The following AP4E1 variants were observed in gnomAD, a reference collection of about 807,000 sequenced individuals.
The protein encoded by AP4E1 is AP-4 complex subunit epsilon-1.
AP4E1 carries 56 observed loss-of-function variants against 128.2 expected under a neutral mutation model. The observed-to-expected ratio is 0.44, with a 90% CI of 0.35 to 0.55. AP4E1 has a LOEUF of 0.55. AP4E1 is among the 20% of genes least tolerant of loss of function. The pLI, the probability that AP4E1 is intolerant of heterozygous loss-of-function variation, is 0.00. For synonymous variants in AP4E1, 484 were observed against 473.1 expected (o/e 1.02, Z -0.30); for missense variants, 1,324 against 1,307.7 (o/e 1.01, Z -0.19).
chr15:50,993,229 T>A, intron 16 of AP4E1, 141 bp from the exon 17 acceptor site: 1 of 848,272 alleles, frequency 1.2e-6, no homozygotes, highest in East Asian at 2.7e-5. Context: ...GAGATCAAGG[T>A]TTTACTTCTG....
intron 10 of AP4E1, chr15:50,944,809 T>G: frequency 1.4e-6 from 1 of 697,886 alleles, no homozygotes; most frequent in Non-Finnish European, 2.6e-6. Context: ...GCTACCAAAA[T>G]GGAATGAGTA....
chr15:50,997,338 G>A lies in AP4E1; in HGVS notation c.2359G>A (p.Asp787Asn). ...TTTATTTTTGCAGCTGGGAAAAGCA[G>A]ATACTGTCTCTCACAAGTTCAGAAG... ...ESTINLLGKA[D>N]TVSHKFRRKS... is the part of the protein sequence containing the mutation. Residue 787 changes from aspartate to asparagine, a missense_variant, in exon 18 of 21, where the codon GAT becomes AAT. Physicochemically the swap from Asp to Asn is conservative, Grantham distance 23. Transcript: ENST00000261842. The A allele has an allele frequency of 6.3e-7, 1 of 1,597,498 alleles. No individual in the cohort carries two copies.
chr15:50,979,886 A>G (rs1384008725), intron 15 of AP4E1, among the ~76,000 whole-genome samples: 2 of 152,212 alleles, frequency 1.3e-5, no homozygotes, highest in Non-Finnish European at 2.9e-5. Context: ...ATGATAGAAA[A>G]TTGGTCCTGA....
rs1313159247 is a variant in AP4E1, at chr15:50,984,125, T to C, written c.2070T>C (p.Ser690=). 3.1e-6 allele frequency: 5 copies of C among 1,613,292 alleles called. No homozygotes were observed. Among genetic ancestry groups the C allele is most frequent in the East Asian group, 2.2e-5 (1 of 44,858 alleles). Residue 690 remains serine (S), a synonymous_variant, in exon 16 of 21, where the codon AGT becomes AGC. Coordinates refer to ENST00000261842, the MANE Select transcript of AP4E1 (RefSeq NM_007347.5). ...TTGGTTCAGATGTATCTGGGAATAGTGCTGAGACAGGACTGAAAGAGTAAG... is the reference window on the plus strand; with the variant it reads ...TTGGTTCAGATGTATCTGGGAATAGCGCTGAGACAGGACTGAAAGAGTAAG... ...ISLGSDVSGN[S]AETGLKETNS...
chr15:50,938,091 A>G (rs1277673617), intron 8 of AP4E1, among the ~76,000 whole-genome samples: 1 of 152,066 alleles, frequency 6.6e-6, no homozygotes, highest in Non-Finnish European at 1.5e-5. Flanking sequence ...TGTATAAGAA[A>G]CATAAGACTC....
At chr15:50,998,803 A>G (rs2064917249) in intron 18 of AP4E1, among the ~76,000 whole-genome samples, 1 of 152,316 alleles carries the variant, frequency 6.6e-6, no homozygotes. Context: ...CCTATCTTTA[A>G]AAACCCAGGA....
intron 14 of AP4E1, among the ~76,000 whole-genome samples, chr15:50,959,949 C>T (rs2064287624): frequency 6.6e-6 from 1 of 151,918 alleles, no homozygotes; most frequent in Non-Finnish European, 1.5e-5. Flanking sequence ...ACCATGCAAA[C>T]AGAAACCAAA....
intron 10 of AP4E1, among the ~76,000 whole-genome samples, chr15:50,944,449 A>G (rs916388022): frequency 2.0e-5 from 3 of 152,220 alleles, no homozygotes; most frequent in Non-Finnish European, 2.9e-5. Flanking sequence ...AATTTGATGT[A>G]TGTTATCTAA....
chr15:50,945,748 C>T, intron 10 of AP4E1: 1 of 769,612 alleles, frequency 1.3e-6, no homozygotes, highest in South Asian at 1.4e-5. Flanking sequence ...ATTTGGTGTG[C>T]TTACATCATG....
chr15:50,990,746 T>C (rs1198498865), intron 16 of AP4E1, among the ~76,000 whole-genome samples: 1 of 152,158 alleles, frequency 6.6e-6, no homozygotes, highest in South Asian at 2.1e-4. Flanking sequence ...CGATCATAAG[T>C]ATGTATGCAG....
At chr15:50,912,211 T>C in intron 2 of AP4E1, 62 bp downstream of exon 2, 2 of 1,369,518 alleles carry the variant, frequency 1.5e-6, no homozygotes, top group Non-Finnish European at 2.1e-6. Context: ...GTGGACTCAA[T>C]AGTGGCATCT....
intron 3 of AP4E1, among the ~76,000 whole-genome samples, chr15:50,919,146 C>T (rs947110517): frequency 3.9e-5 from 6 of 152,068 alleles, no homozygotes; most frequent in Non-Finnish European, 1.5e-5. Flanking sequence ...ATGAGAATCG[C>T]TTGAACCTGG....
intron 5 of AP4E1, among the ~76,000 whole-genome samples, chr15:50,927,959 G>T (rs762464923): frequency 1.3e-5 from 2 of 152,148 alleles, no homozygotes; most frequent in Non-Finnish European, 2.9e-5. Context: ...ACAAGAGAGA[G>T]AATTTCTAAC....
At chr15:50,991,982 A>G (rs1198514442) in intron 16 of AP4E1, among the ~76,000 whole-genome samples, 1 of 145,158 alleles carries the variant, frequency 6.9e-6, no homozygotes, top group East Asian at 2.0e-4. Flanking sequence ...TTTTTTTTTA[A>G]CTCCAGTGTT....
chr15:50,914,470 G>A (rs891135485), intron 2 of AP4E1, among the ~76,000 whole-genome samples: 1 of 151,900 alleles, frequency 6.6e-6, no homozygotes. Context: ...GGCCAACATG[G>A]TGAAACCCCA....
chr15:50,912,334 AAG>A (rs1425705584), intron 2 of AP4E1, among the ~76,000 whole-genome samples, 185 bp downstream of exon 2: 1 of 152,268 alleles, frequency 6.6e-6, no homozygotes, highest in African/African-American at 2.4e-5. Flanking sequence ...GCACCAGAAC[AAG>A]ATTTGCCTAT....
intron 10 of AP4E1, chr15:50,945,811 C>A: frequency 1.3e-6 from 1 of 770,284 alleles, no homozygotes; most frequent in Non-Finnish European, 2.4e-6. Flanking sequence ...ATTTCAGCAT[C>A]ATCCTGATAT....
At position 50,950,076 on chromosome 15, in the gene AP4E1, G is replaced by A. The variant is rs1355498371; in HGVS notation, c.1455G>A (p.Gln485=). ...AEGFDDETED[Q]QLRLYAVQSY... is the part of the protein sequence containing the mutation. ...GTTTTGATGATGAAACAGAAGATCAGCAATTAAGACTCTATGCAGTTCAGT... is the reference window on the plus strand; with the variant it reads ...GTTTTGATGATGAAACAGAAGATCAACAATTAAGACTCTATGCAGTTCAGT... The change falls in exon 13 of 21, where the codon CAG becomes CAA. Residue 485 remains glutamine (Q), a synonymous_variant. Coordinates refer to ENST00000261842, the MANE Select transcript of AP4E1 (RefSeq NM_007347.5). 1.7e-5 allele frequency: 27 copies of A among 1,612,914 alleles called. No individual in the cohort carries two copies. The Admixed American group carries it at 4.5e-4, about 27-fold the overall frequency.
chr15:50,983,930 C>T lies in AP4E1; in HGVS notation c.1967-92C>T, dbSNP rs185274807. On this transcript the variant is annotated intron_variant, in intron 15 of 20. Transcript: ENST00000261842. ...AGAGTTTAAAAATGGCTATTAGTTCCAGGCTTGAATTATTGTGGTAGTGAA... is the reference window on the plus strand; with the variant it reads ...AGAGTTTAAAAATGGCTATTAGTTCTAGGCTTGAATTATTGTGGTAGTGAA... 1,809 of 1,336,054 alleles carry T rather than the reference C, an allele frequency of 1.4e-3. 18 individuals are homozygous for T. The highest frequency in any genetic ancestry group is 7.3e-3 in the South Asian group (598 of 82,362). 82.8% of individuals were successfully genotyped at this position (1,336,054 alleles called of 1,614,324 possible). A position where few individuals can be genotyped will look rare whatever the true frequency, so the allele number is the denominator to read the frequency against.
Sources: gnomAD v4.1 joint callset for allele counts (sites outside exome capture counted in the v4.1 genomes callset) on GRCh38, gnomAD v4.1.1 for gene constraint, MANE v1.5 for transcripts, NCBI Gene and HGNC (gene_info 2026-07-23, HGNC 2026-07-21) for gene names.